PKD1L1: variants seen among roughly 807,000 people sequenced by gnomAD.
PKD1L1 encodes polycystin 1 like 1, transient receptor potential channel interacting.
Under a neutral mutation model 323.4 loss-of-function variants are expected in PKD1L1, and 236 were observed. The ratio of observed to expected loss-of-function variants is 0.73; its 90% CI spans 0.66 to 0.81. The LOEUF (loss-of-function observed/expected upper bound fraction) is 0.81, where lower values mean the gene tolerates loss of function less well. Ranked by LOEUF, PKD1L1 falls within the 40% of genes least tolerant of loss-of-function variation. The pLI is 0.00. For missense variants in PKD1L1, 3,320 were observed against 3,508.0 expected (o/e 0.95, Z 1.35); for synonymous variants, 1,344 against 1,335.0 (o/e 1.01, Z -0.15).
chr7:47,811,974 T>C lies in PKD1L1; in HGVS notation c.7424A>G (p.His2475Arg), dbSNP rs751536167. ...IDRSTRAVSV[H>R]FTLYNPPTQL... Reference sequence around the variant, plus strand: ...GGTTGGAGGGTTATAGAGAGTGAAGTGCACAGACACAGCCCTGGTGCTGCG... The same window carrying C: ...GGTTGGAGGGTTATAGAGAGTGAAGCGCACAGACACAGCCCTGGTGCTGCG... Residue 2475 changes from histidine (H) to arginine (R), a missense_variant, in exon 50 of 57, where the codon CAC (histidine) becomes CGC (arginine). By Grantham distance (29) the His-to-Arg change is conservative (BLOSUM62 0). Transcript: ENST00000289672. The C allele has an allele frequency of 1.4e-5, 23 of 1,598,648 alleles. No individual in the cohort carries two copies. Among genetic ancestry groups the C allele is most frequent in the Non-Finnish European group, 1.9e-5 (22 of 1,172,724 alleles).
At chr7:47,823,615 G>C (rs958073423) in intron 45 of PKD1L1, among the ~76,000 whole-genome samples, 4 of 152,116 alleles carry the variant, frequency 2.6e-5, no homozygotes, top group Non-Finnish European at 5.9e-5. Flanking sequence ...GTTTTCCCAC[G>C]AGGAAACACA....
intron 14 of PKD1L1, among the ~76,000 whole-genome samples, chr7:47,894,788 G>A (rs73333672): frequency 1.3e-5 from 2 of 151,666 alleles, no homozygotes; most frequent in African/African-American, 2.4e-5. Context: ...TAGCCCAGAG[G>A]GGGAGGTTGC....
At chr7:47,802,184 T>C (rs1313691973) in intron 53 of PKD1L1, among the ~76,000 whole-genome samples, 5 of 111,028 alleles carry the variant, frequency 4.5e-5, no homozygotes, top group African/African-American at 1.4e-4. Context: ...AGAGCGAGAC[T>C]CTATCTCAAA....
chr7:47,923,270 G>C (rs57025714), intron 7 of PKD1L1, among the ~76,000 whole-genome samples: 150 of 148,338 alleles, frequency 1.0e-3, no homozygotes, highest in African/African-American at 3.6e-3. Flanking sequence ...CTTCCCTCCA[G>C]TATTGTCCTA....
chr7:47,941,961 A>G (rs892810076), intron 2 of PKD1L1, among the ~76,000 whole-genome samples: 5 of 152,222 alleles, frequency 3.3e-5, no homozygotes, highest in African/African-American at 1.2e-4. Flanking sequence ...CACAGAAGTG[A>G]TATTTATAGG....
At chr7:47,905,765 C>T in intron 10 of PKD1L1, 78 bp downstream of exon 10, 3 of 1,567,034 alleles carry the variant, frequency 1.9e-6, no homozygotes, top group Admixed American at 2.1e-5. Flanking sequence ...AAACCTGCTG[C>T]TGCCTACGGC....
At position 47,902,108 on chromosome 7, in the gene PKD1L1, T is replaced by C. The variant is rs1253053446; in HGVS notation, c.2064+271A>G. Reference sequence around the variant, plus strand: ...AAGTGAGCTGTGCTGAATGCCAGAGTAATGCAGGCGAATAAAGAACTTATT... The same window carrying C: ...AAGTGAGCTGTGCTGAATGCCAGAGCAATGCAGGCGAATAAAGAACTTATT... On this transcript the variant is annotated intron_variant, in intron 13 of 56. Transcript: ENST00000289672. Among the ~76,000 whole-genome samples, 3 of 149,578 alleles carry C rather than the reference T, an allele frequency of 2.0e-5. No individual in the cohort carries two copies. In the East Asian group the frequency reaches 5.8e-4, roughly 29 times the overall value.
intron 1 of PKD1L1, 35 bp from the exon 2 acceptor site, chr7:47,943,546 T>A (rs1788041224): frequency 2.0e-6 from 3 of 1,521,750 alleles, no homozygotes; most frequent in Non-Finnish European, 2.7e-6. Flanking sequence ...GAAAATTAAA[T>A]TAAGTACAAT....
chr7:47,917,190 G>A (rs961381418), intron 7 of PKD1L1, among the ~76,000 whole-genome samples: 2 of 152,132 alleles, frequency 1.3e-5, no homozygotes, highest in Non-Finnish European at 2.9e-5. Context: ...GCTCTGAAAA[G>A]TCTCAGCAAT....
At chr7:47,891,697 G>A (rs2128748890) in intron 15 of PKD1L1, among the ~76,000 whole-genome samples, 1 of 152,354 alleles carries the variant, frequency 6.6e-6, no homozygotes, top group Middle Eastern at 3.4e-3. Flanking sequence ...ACTGCCCCTG[G>A]GGTTTAGCTG....
At chr7:47,826,287 T>C (rs1347483001) in intron 45 of PKD1L1, among the ~76,000 whole-genome samples, 1 of 152,164 alleles carries the variant, frequency 6.6e-6, no homozygotes, top group African/African-American at 2.4e-5. Context: ...CCATCTCATT[T>C]AATTTTGTTG....
intron 1 of PKD1L1, among the ~76,000 whole-genome samples, chr7:47,944,921 A>G (rs887961204): frequency 6.6e-6 from 1 of 152,172 alleles, no homozygotes; most frequent in Non-Finnish European, 1.5e-5. Flanking sequence ...TTCAGCCAGA[A>G]ATGGATGGTG....
intron 20 of PKD1L1, among the ~76,000 whole-genome samples, chr7:47,881,315 T>C (rs1786548974): frequency 1.3e-5 from 2 of 152,060 alleles, no homozygotes; most frequent in South Asian, 2.1e-4. Flanking sequence ...AAATACAAGA[T>C]TGATGATCTA....
intron 47 of PKD1L1, among the ~76,000 whole-genome samples, chr7:47,814,229 G>A (rs924137704): frequency 2.6e-5 from 4 of 152,190 alleles, no homozygotes; most frequent in African/African-American, 7.2e-5. Context: ...AAGGGTTAAC[G>A]TTCAAATGGT....
chr7:47,905,087 T>G, intron 11 of PKD1L1, 70 bp downstream of exon 11: 1 of 1,512,976 alleles, frequency 6.6e-7, no homozygotes, highest in South Asian at 1.3e-5. Flanking sequence ...GGTAGCAGCA[T>G]GGTGATCTTC....
intron 8 of PKD1L1, among the ~76,000 whole-genome samples, chr7:47,914,545 G>T (rs1787388580): frequency 1.3e-5 from 2 of 152,212 alleles, no homozygotes; most frequent in Admixed American, 6.5e-5. Flanking sequence ...CACCTGGGTT[G>T]TTCAAGGAAT....
intron 52 of PKD1L1, among the ~76,000 whole-genome samples, chr7:47,804,433 C>T (rs1478081619): frequency 1.3e-5 from 2 of 150,712 alleles, no homozygotes. Context: ...CAATATGTAA[C>T]CAACATAAAA....
chr7:47,813,005 C>G, intron 49 of PKD1L1, 116 bp downstream of exon 49: 1 of 1,292,422 alleles, frequency 7.7e-7, no homozygotes, highest in Non-Finnish European at 1.1e-6. Context: ...GGTGCGCTGA[C>G]CTCGCAGGCC....
chr7:47,926,168 T>G (rs1787653530), intron 7 of PKD1L1, among the ~76,000 whole-genome samples: 1 of 152,224 alleles, frequency 6.6e-6, no homozygotes, highest in African/African-American at 2.4e-5. Context: ...TAAGAAACAT[T>G]TACAATCTCT....
Sources: allele counts gnomAD v4.1 joint callset (sites outside exome capture counted in the v4.1 genomes callset), GRCh38; gene constraint gnomAD v4.1.1; transcripts MANE v1.5; gene names NCBI Gene and HGNC (gene_info 2026-07-23, HGNC 2026-07-21).